ATIC: variants seen among roughly 807,000 people sequenced by gnomAD.
ATIC encodes the protein bifunctional purine biosynthesis protein ATIC.
Under a neutral mutation model 72.5 loss-of-function variants are expected in ATIC, and 64 were observed. That is an observed-to-expected ratio of 0.88 (90% CI 0.72 to 1.09). ATIC has a LOEUF of 1.09. Among genes scored for constraint, ATIC ranks in the 50% least tolerant of loss-of-function variants. ATIC has a pLI of 0.00. For synonymous variants in ATIC, 281 were observed against 267.1 expected (o/e 1.05, Z -0.51); for missense variants, 787 against 732.4 (o/e 1.07, Z -0.86).
intron 8 of ATIC, among the ~76,000 whole-genome samples, chr2:215,332,847 C>G (rs2052910792): frequency 6.6e-6 from 1 of 152,162 alleles, no homozygotes; most frequent in Admixed American, 6.5e-5. Flanking sequence ...TCTTTGGACT[C>G]TTTATCTGAA....
At chr2:215,344,217 C>T (rs1191063134) in intron 12 of ATIC, among the ~76,000 whole-genome samples, 1 of 152,096 alleles carries the variant, frequency 6.6e-6, no homozygotes, top group Non-Finnish European at 1.5e-5. Flanking sequence ...AGGCTTAATC[C>T]ACAATTGCTA....
At chr2:215,325,084 A>C in intron 4 of ATIC, 157 bp from the exon 5 acceptor site, 5 of 623,156 alleles carry the variant, frequency 8.0e-6, no homozygotes, top group Non-Finnish European at 1.4e-5. Flanking sequence ...TTTTTAACAC[A>C]CTCGTTAGAA....
At chr2:215,319,881 C>T in intron 4 of ATIC, 150 bp downstream of exon 4, 1 of 696,234 alleles carries the variant, frequency 1.4e-6, no homozygotes, top group South Asian at 1.8e-5. Flanking sequence ...TTTGGTTTGG[C>T]CAGATTTATA....
intron 13 of ATIC, chr2:215,345,084 G>A (rs962133030): frequency 9.8e-6 from 6 of 612,272 alleles, no homozygotes; most frequent in African/African-American, 5.5e-5. Context: ...CAAAGTAGTT[G>A]TGCTGCTTCT....
At chr2:215,332,032 T>A (rs2052900278) in intron 7 of ATIC, among the ~76,000 whole-genome samples, 1 of 152,188 alleles carries the variant, frequency 6.6e-6, no homozygotes, top group Non-Finnish European at 1.5e-5. Context: ...TGTATTTACA[T>A]GAATTCCTGA....
rs540315076 is a variant in ATIC, at chr2:215,347,742, A to G, written c.1503+801A>G. ...TTTTTCTGTTTGATATTACCAGTCA[A>G]CCCCTGCTACTAGTCCTGAAAGAGT... On this transcript the variant is annotated intron_variant, in intron 14 of 15. Transcript: ENST00000236959. 6.4e-6 allele frequency: 3 copies of G among 465,864 alleles called. No homozygotes were observed. In the East Asian group the frequency reaches 1.6e-4, roughly 25 times the overall value. The allele number at this position is 465,864 out of a possible 1,614,324, so 28.9% of individuals were successfully genotyped here. A position where few individuals can be genotyped will look rare whatever the true frequency, so the allele number is the denominator to read the frequency against.
Position 215,333,438 on chromosome 2 carries a change from G to T in ATIC, c.903G>T (p.Ala301=), listed in dbSNP as rs372300174. 6.2e-7 allele frequency: 1 copy of T among 1,613,990 alleles called. No individual in the cohort carries two copies. Among genetic ancestry groups the T allele is most frequent in the Non-Finnish European group, 8.5e-7 (1 of 1,179,968 alleles). The change falls in exon 9 of 16, where the codon GCG becomes GCT. Residue 301 remains alanine (A), a synonymous_variant. Transcript: ENST00000236959. ...ATAAAACCCTCACACCCATCTCAGC[G>T]GCATATGCAAGAGCAAGAGGTCAGA... ...DLYKTLTPIS[A]AYARARGADR...
intron 7 of ATIC, among the ~76,000 whole-genome samples, chr2:215,327,930 C>A (rs894209634): frequency 6.6e-6 from 1 of 151,472 alleles, no homozygotes; most frequent in South Asian, 2.1e-4. Flanking sequence ...CGGAGTCTCG[C>A]TCTGTCACCC....
chr2:215,342,804 C>T (rs936700797), intron 12 of ATIC, among the ~76,000 whole-genome samples: 4 of 152,112 alleles, frequency 2.6e-5, no homozygotes, highest in African/African-American at 9.7e-5. Flanking sequence ...CTCAGCCTCC[C>T]AGGGAGCTGG....
At chr2:215,318,882 C>G (rs553318174) in intron 3 of ATIC, among the ~76,000 whole-genome samples, 4 of 150,912 alleles carry the variant, frequency 2.7e-5, no homozygotes, top group Non-Finnish European at 5.9e-5. Context: ...AAATATATCT[C>G]TCTTTTTTTT....
At chr2:215,321,756 G>A (rs762033109) in intron 4 of ATIC, among the ~76,000 whole-genome samples, 1 of 152,220 alleles carries the variant, frequency 6.6e-6, no homozygotes, top group Non-Finnish European at 1.5e-5. Flanking sequence ...TTCCTAGCCA[G>A]TTGTTTACCT....
At chr2:215,355,010 C>G in the ATIC span, among the ~76,000 whole-genome samples, 34 of 152,166 alleles carry the variant, frequency 2.2e-4, no homozygotes, top group African/African-American at 7.5e-4. Context: ...GAAAACGACT[C>G]AGTTTAGGGC....
chr2:215,312,642 C>G lies in ATIC; in HGVS notation c.146+18C>G. The G allele has an allele frequency of 6.2e-7, 1 of 1,614,082 alleles. No individual in the cohort carries two copies. Among genetic ancestry groups the G allele is most frequent in the Non-Finnish European group, 8.5e-7 (1 of 1,180,012 alleles). On this transcript the variant is annotated intron_variant, in intron 2 of 15. Coordinates refer to ENST00000236959, the MANE Select transcript of ATIC (RefSeq NM_004044.7). The stretch of plus-strand genomic sequence containing the variant: ...GCAGTCAGGTAAGGCATAGCTAGTT[C>G]CATCAGAAAGGAGTGTGATCACATT...
chr2:215,327,945 T>A (rs1031517811), intron 7 of ATIC, among the ~76,000 whole-genome samples: 1 of 151,406 alleles, frequency 6.6e-6, no homozygotes, highest in African/African-American at 2.4e-5. Flanking sequence ...TCACCCAGGC[T>A]GGAGTGCAGT....
intron 2 of ATIC, 94 bp from the exon 3 acceptor site, chr2:215,318,063 A>T (rs1201504005): frequency 1.2e-5 from 14 of 1,172,762 alleles, no homozygotes; most frequent in Non-Finnish European, 1.5e-5. Context: ...ATTCAGGCTC[A>T]AAATCTCTTG....
chr2:215,313,178 C>G (rs1350332541), intron 2 of ATIC, among the ~76,000 whole-genome samples: 1 of 152,188 alleles, frequency 6.6e-6, no homozygotes, highest in Non-Finnish European at 1.5e-5. Flanking sequence ...CCGTGCTGTT[C>G]CTGATTTTAG....
chr2:215,313,436 A>G (rs927882737), intron 2 of ATIC, among the ~76,000 whole-genome samples: 10 of 152,168 alleles, frequency 6.6e-5, no homozygotes, highest in African/African-American at 1.9e-4. Context: ...ATTAACCAGG[A>G]TGCCATTGCT....
chr2:215,365,966 ATT>A, the ATIC span, among the ~76,000 whole-genome samples: 456 of 90,322 alleles, frequency 5.0e-3, no homozygotes, highest in South Asian at 0.013. Flanking sequence ...CCACAGTGCT[ATT>A]TTTTTTTTTT....
rs10932609 is a variant in ATIC, at chr2:215,346,989, A to T, written c.1503+48A>T. On this transcript the variant is annotated intron_variant, in intron 14 of 15. Transcript: ENST00000236959. Reference sequence around the variant, plus strand: ...CTCGGCTGTGTTAATATTCAGTTCAACCCTTTATGTGTAACAGATTTTAAC... The same window carrying T: ...CTCGGCTGTGTTAATATTCAGTTCATCCCTTTATGTGTAACAGATTTTAAC... 1,594,284 of 1,594,362 alleles carry T rather than the reference A, an allele frequency of 1. 797,103 individuals are homozygous for T. The highest frequency in any genetic ancestry group is 1 in the Non-Finnish European group (1,162,864 of 1,162,864).
Sources: allele counts gnomAD v4.1 joint callset (sites outside exome capture counted in the v4.1 genomes callset), GRCh38; gene constraint gnomAD v4.1.1; transcripts MANE v1.5; gene names NCBI Gene and HGNC (gene_info 2026-07-23, HGNC 2026-07-21).